The following LRRIQ1 variants were observed in gnomAD, a reference collection of about 807,000 sequenced individuals.
LRRIQ1 encodes the protein leucine-rich repeat- and IQ domain-containing protein 1.
Under a neutral mutation model 211.9 loss-of-function variants are expected in LRRIQ1, and 210 were observed. That is an observed-to-expected ratio of 0.99 (90% CI 0.89 to 1.11). The LOEUF (loss-of-function observed/expected upper bound fraction) is 1.11. LRRIQ1 is among the 50% of genes most tolerant of loss of function. The pLI is 0.00. For synonymous variants in LRRIQ1, 699 were observed against 650.1 expected (o/e 1.08, Z -1.14); for missense variants, 2,136 against 1,939.5 (o/e 1.10, Z -1.90).
At chr12:85,176,824 T>A (rs1891731853) in intron 24 of LRRIQ1, among the ~76,000 whole-genome samples, 1 of 152,136 alleles carries the variant, frequency 6.6e-6, no homozygotes, top group Non-Finnish European at 1.5e-5. Context: ...AATAACATTA[T>A]GCTTTGGGTT....
intron 15 of LRRIQ1, among the ~76,000 whole-genome samples, chr12:85,121,396 T>A (rs1887973459): frequency 6.6e-6 from 1 of 152,174 alleles, no homozygotes; most frequent in African/African-American, 2.4e-5. Context: ...TCATAATGCA[T>A]CTTTTTACAC....
chr12:85,049,177 TTACTTTC>T (rs1367048663), intron 6 of LRRIQ1, among the ~76,000 whole-genome samples: 1 of 152,182 alleles, frequency 6.6e-6, no homozygotes, highest in Non-Finnish European at 1.5e-5. Flanking sequence ...AATATATAAT[TTACTTTC>T]TGTCAGTAGT....
chr12:85,225,893 T>A (rs1894628920), intron 24 of LRRIQ1, among the ~76,000 whole-genome samples: 1 of 152,196 alleles, frequency 6.6e-6, no homozygotes, highest in African/African-American at 2.4e-5. Context: ...ACAGGAGTAA[T>A]TCTGAAATGA....
intron 24 of LRRIQ1, among the ~76,000 whole-genome samples, chr12:85,220,972 C>T (rs1454667892): frequency 6.6e-6 from 1 of 151,674 alleles, no homozygotes; most frequent in Non-Finnish European, 1.5e-5. Context: ...ACCACACACC[C>T]GGCTAATTTT....
At chr12:85,222,319 C>T (rs1426171553) in intron 24 of LRRIQ1, among the ~76,000 whole-genome samples, 2 of 151,946 alleles carry the variant, frequency 1.3e-5, no homozygotes, top group Non-Finnish European at 2.9e-5. Context: ...GATAGAACTC[C>T]AGAGAAGAAT....
chr12:85,085,521 T>C (rs1425498803), intron 11 of LRRIQ1, among the ~76,000 whole-genome samples: 1 of 152,198 alleles, frequency 6.6e-6, no homozygotes, highest in Non-Finnish European at 1.5e-5. Context: ...GTTTGTTGTA[T>C]GCATAATCCC....
rs549479433 is a variant in LRRIQ1, at chr12:85,042,227, T to A, written c.244+1626T>A. On this transcript the variant is annotated intron_variant, in intron 3 of 26. Transcript: ENST00000393217. ...TGGTTTAGAAAATTATGAGATCTTG[T>A]ATATAACTCTAACCTAATCTAATCT... 9.4e-4 allele frequency among the ~76,000 whole-genome samples: 143 copies of A among 151,746 alleles called. 1 individual carries two copies. Among genetic ancestry groups the A allele is most frequent in the Middle Eastern group, 3.5e-3 (1 of 282 alleles).
downstream of LRRIQ1, among the ~76,000 whole-genome samples, chr12:85,247,411 G>A (rs1331451268): frequency 6.6e-6 from 1 of 151,428 alleles, no homozygotes; most frequent in Non-Finnish European, 1.5e-5. Flanking sequence ...AACTCTTTTT[G>A]AGCCTTTGAA....
chr12:85,195,941 CA>C (rs1232684119), intron 24 of LRRIQ1, among the ~76,000 whole-genome samples: 2 of 151,706 alleles, frequency 1.3e-5, no homozygotes, highest in Non-Finnish European at 2.9e-5. Flanking sequence ...CGTCTCAGCC[CA>C]AAATCTCCTT....
intron 11 of LRRIQ1, among the ~76,000 whole-genome samples, chr12:85,077,044 TA>T (rs1476454044): frequency 6.6e-6 from 1 of 152,204 alleles, no homozygotes; most frequent in African/African-American, 2.4e-5. Context: ...GCACTAAAAT[TA>T]AAAAGTCTCA....
intron 24 of LRRIQ1, among the ~76,000 whole-genome samples, chr12:85,212,554 A>G (rs193035930): frequency 2.1e-4 from 32 of 151,950 alleles, no homozygotes; most frequent in African/African-American, 7.5e-4. Context: ...CAGTAATAAT[A>G]TGAAATGTAA....
At chr12:85,183,479 G>T (rs1044031056) in intron 24 of LRRIQ1, among the ~76,000 whole-genome samples, 1 of 151,578 alleles carries the variant, frequency 6.6e-6, no homozygotes, top group Admixed American at 6.6e-5. Flanking sequence ...TGCTCATTTT[G>T]CCCCAAATTC....
intron 11 of LRRIQ1, among the ~76,000 whole-genome samples, chr12:85,087,207 C>G (rs942552529): frequency 6.6e-6 from 1 of 152,018 alleles, no homozygotes; most frequent in Non-Finnish European, 1.5e-5. Flanking sequence ...GTTTTCTGTC[C>G]TTGCAATAGT....
At chr12:85,148,267 C>T (rs1890021647) in intron 19 of LRRIQ1, among the ~76,000 whole-genome samples, 1 of 151,474 alleles carries the variant, frequency 6.6e-6, no homozygotes, top group African/African-American at 2.4e-5. Context: ...TTTCACTGCA[C>T]CTATTGACCT....
chr12:85,232,602 C>T (rs931019927), intron 25 of LRRIQ1, 94 bp from the exon 26 acceptor site: 23 of 974,386 alleles, frequency 2.4e-5, no homozygotes, highest in African/African-American at 1.0e-4. Context: ...TTGTAAATAA[C>T]GAATTTCTCT....
chr12:85,060,052 A>G (rs1881608299), intron 8 of LRRIQ1, among the ~76,000 whole-genome samples: 1 of 151,916 alleles, frequency 6.6e-6, no homozygotes, highest in Non-Finnish European at 1.5e-5. Context: ...CCTTATGCAA[A>G]TGCTTGACCT....
At chr12:85,197,991 AT>A (rs1893051748) in intron 24 of LRRIQ1, among the ~76,000 whole-genome samples, 1 of 60,060 alleles carries the variant, frequency 1.7e-5, no homozygotes, top group Non-Finnish European at 3.3e-5. Flanking sequence ...TATATTATAT[AT>A]TATATATAAC....
At chr12:85,108,822 A>G (rs1218094641) in intron 15 of LRRIQ1, among the ~76,000 whole-genome samples, 3 of 152,178 alleles carry the variant, frequency 2.0e-5, no homozygotes, top group Non-Finnish European at 4.4e-5. Context: ...GAGTTTGCCA[A>G]TACAAACATG....
the LRRIQ1 span, among the ~76,000 whole-genome samples, chr12:85,272,599 T>C: frequency 1.3e-5 from 2 of 152,174 alleles, no homozygotes; most frequent in Non-Finnish European, 2.9e-5. Flanking sequence ...TTTTTTCTTT[T>C]GGTAACTTAA....
Sources: gnomAD v4.1 joint callset for allele counts (sites outside exome capture counted in the v4.1 genomes callset) on GRCh38, gnomAD v4.1.1 for gene constraint, MANE v1.5 for transcripts, NCBI Gene and HGNC (gene_info 2026-07-23, HGNC 2026-07-21) for gene names.